Variants in RTTN observed in about 807,000 individuals in gnomAD.
RTTN encodes rotatin.
In RTTN, 182 loss-of-function variants were observed where a neutral mutation model predicts 269.2. The ratio of observed to expected loss-of-function variants is 0.68; its 90% CI spans 0.60 to 0.76. The LOEUF (loss-of-function observed/expected upper bound fraction) is 0.76, where lower values mean the gene tolerates loss of function less well. Ranked by LOEUF, RTTN falls within the 30% of genes least tolerant of loss-of-function variation. The probability of loss-of-function intolerance (pLI) is 0.00; values close to 1 mark genes in which losing one functional copy is unlikely to be tolerated. For missense variants in RTTN, 2,545 were observed against 2,608.6 expected (o/e 0.98, Z 0.53); for synonymous variants, 1,006 against 963.5 (o/e 1.04, Z -0.82).
At chr18:70,069,845 GC>G (rs1378554470) in intron 34 of RTTN, among the ~76,000 whole-genome samples, 1 of 152,092 alleles carries the variant, frequency 6.6e-6, no homozygotes, top group Non-Finnish European at 1.5e-5. Flanking sequence ...TACAAGTCTA[GC>G]CACATTTTGA....
intron 37 of RTTN, among the ~76,000 whole-genome samples, 172 bp downstream of exon 37, chr18:70,057,570 T>C (rs902763851): frequency 6.6e-6 from 1 of 152,228 alleles, no homozygotes; most frequent in South Asian, 2.1e-4. Context: ...TTTTCTAACA[T>C]CCAGACATGT....
chr18:70,118,239 A>G (rs920279861), intron 26 of RTTN, among the ~76,000 whole-genome samples: 1 of 152,064 alleles, frequency 6.6e-6, no homozygotes, highest in African/African-American at 2.4e-5. Context: ...TAAAAAAAGA[A>G]GACAAAATGA....
intron 28 of RTTN, among the ~76,000 whole-genome samples, chr18:70,100,319 G>A (rs1221883212): frequency 2.0e-5 from 3 of 152,112 alleles, no homozygotes; most frequent in Admixed American, 1.3e-4. Flanking sequence ...TGGATTCCTA[G>A]GTATTTTATT....
chr18:70,053,295 C>G (rs1379000405), intron 38 of RTTN: 2 of 152,118 alleles, frequency 1.3e-5, no homozygotes, highest in Non-Finnish European at 2.9e-5. Flanking sequence ...TTTGCCTCAC[C>G]CTCTTCTCCC....
At chr18:70,188,784 T>G (rs1049099534) in intron 9 of RTTN, among the ~76,000 whole-genome samples, 4 of 152,172 alleles carry the variant, frequency 2.6e-5, no homozygotes, top group Non-Finnish European at 2.9e-5. Context: ...CAGAGCAACC[T>G]CCTTTCTCCA....
chr18:70,094,842 T>C (rs2058955046), intron 28 of RTTN, among the ~76,000 whole-genome samples: 1 of 152,152 alleles, frequency 6.6e-6, no homozygotes, highest in Non-Finnish European at 1.5e-5. Flanking sequence ...ATATCCCTTT[T>C]TTTTTTTCTG....
Position 70,166,917 on chromosome 18 carries a change from A to T in RTTN, c.1802+2T>A, listed in dbSNP as rs1568496369. ...TAATCACATTAAGAAAGAAAATATT[A>T]CATCTTTGAACAAATGCTGATGATT... On this transcript the variant is annotated splice_donor_variant, in intron 13 of 48. Transcript: ENST00000640769. LOFTEE classifies it high-confidence loss of function. The T allele has an allele frequency of 6.3e-7, 1 of 1,592,496 alleles. No individual in the cohort carries two copies.
chr18:70,065,713 G>A (rs938587171), intron 35 of RTTN, 116 bp downstream of exon 35: 1 of 552,242 alleles, frequency 1.8e-6, no homozygotes, highest in African/African-American at 1.9e-5. Context: ...TTTCATAATG[G>A]TCTACAACTT....
chr18:70,075,509 T>C lies in RTTN; in HGVS notation c.4407A>G (p.Leu1469=), dbSNP rs777494311. 6.3e-6 allele frequency: 10 copies of C among 1,595,512 alleles called. No homozygotes were observed. The highest frequency in any genetic ancestry group is 2.3e-5 in the South Asian group (2 of 86,860). Residue 1469 remains leucine, a synonymous_variant, in exon 33 of 49, where the codon CTA becomes CTG. Transcript: ENST00000640769. ...GAAGGGCAGGTTTTCCAATGAGCGATAGGCCAGAGTCCTCATCATGAACAC... is the reference window on the plus strand; with the variant it reads ...GAAGGGCAGGTTTTCCAATGAGCGACAGGCCAGAGTCCTCATCATGAACAC... ...GPCVHDEDSG[L]SLIGKPALQA... is the part of the protein sequence containing the mutation.
intron 14 of RTTN, among the ~76,000 whole-genome samples, chr18:70,153,249 T>C (rs997494509): frequency 4.0e-5 from 6 of 151,844 alleles, no homozygotes; most frequent in East Asian, 1.9e-4. Flanking sequence ...TATATATATA[T>C]ACATATTCTA....
intron 2 of RTTN, among the ~76,000 whole-genome samples, chr18:70,204,665 G>C (rs1359515418): frequency 1.3e-5 from 2 of 152,166 alleles, no homozygotes; most frequent in Admixed American, 1.3e-4. Context: ...CTTACACTTT[G>C]ATATCTGACC....
chr18:70,103,183 G>A (rs910321346), intron 28 of RTTN, among the ~76,000 whole-genome samples: 6 of 152,054 alleles, frequency 3.9e-5, no homozygotes, highest in Non-Finnish European at 5.9e-5. Flanking sequence ...AGTGAGGAGC[G>A]CCTCTGCCTG....
intron 40 of RTTN, among the ~76,000 whole-genome samples, chr18:70,045,157 A>C (rs1277370761): frequency 1.3e-5 from 2 of 152,246 alleles, no homozygotes; most frequent in African/African-American, 2.4e-5. Flanking sequence ...TACTTTCAAC[A>C]TGTATCCCCT....
intron 4 of RTTN, among the ~76,000 whole-genome samples, chr18:70,201,376 G>A (rs1353542469): frequency 6.6e-6 from 1 of 151,898 alleles, no homozygotes; most frequent in Non-Finnish European, 1.5e-5. Flanking sequence ...GCCGAGGCGG[G>A]CGGATCACGA....
intron 34 of RTTN, among the ~76,000 whole-genome samples, chr18:70,073,395 G>C (rs2058347430): frequency 6.6e-6 from 1 of 152,140 alleles, no homozygotes; most frequent in Non-Finnish European, 1.5e-5. Context: ...TTAGAAGTGT[G>C]TTTAAAGCTG....
chr18:70,024,166 C>A (rs1388489242), intron 44 of RTTN, among the ~76,000 whole-genome samples: 1 of 152,186 alleles, frequency 6.6e-6, no homozygotes, highest in African/African-American at 2.4e-5. Flanking sequence ...ACATAAAAAT[C>A]CAAACTCCCT....
rs144873923 is a variant in RTTN at position 70,203,740 on chromosome 18, C to T, written c.397+346G>A. On this transcript the variant is annotated intron_variant, in intron 3 of 48. Coordinates refer to ENST00000640769, the MANE Select transcript of RTTN (RefSeq NM_173630.4). ...CAGATATCATTATACTCCAATATGACGAACAAGGTCAAAAATACAAATATA... is the reference window on the plus strand; with the variant it reads ...CAGATATCATTATACTCCAATATGATGAACAAGGTCAAAAATACAAATATA... Among the ~76,000 whole-genome samples, 752 of 152,256 alleles carry T rather than the reference C, an allele frequency of 4.9e-3. 5 individuals carry two copies. The highest frequency in any genetic ancestry group is 0.017 in the African/African-American group (705 of 41,540).
chr18:70,107,422 T>C (rs1198140839), intron 28 of RTTN, among the ~76,000 whole-genome samples: 1 of 152,240 alleles, frequency 6.6e-6, no homozygotes, highest in Non-Finnish European at 1.5e-5. Context: ...AGGGCAGATA[T>C]GCAAAATTGT....
chr18:70,200,966 G>A (rs1004135482), intron 4 of RTTN, among the ~76,000 whole-genome samples: 18 of 152,094 alleles, frequency 1.2e-4, no homozygotes, highest in African/African-American at 3.6e-4. Context: ...CAATGTTCAC[G>A]GCTATTATCA....
Sources: allele counts gnomAD v4.1 joint callset (sites outside exome capture counted in the v4.1 genomes callset), GRCh38; gene constraint gnomAD v4.1.1; transcripts MANE v1.5; gene names NCBI Gene and HGNC (gene_info 2026-07-23, HGNC 2026-07-21).